TRIB3: variants seen among roughly 807,000 people sequenced by gnomAD.
The protein encoded by TRIB3 is tribbles pseudokinase 3.
In TRIB3, 20 loss-of-function variants were observed where a neutral mutation model predicts 16.6. The ratio of observed to expected loss-of-function variants is 1.20; its 90% CI spans 0.85 to 1.75. The LOEUF is 1.75. TRIB3 is among the 40% of genes most tolerant of loss of function. The pLI, the probability that TRIB3 is intolerant of heterozygous loss-of-function variation, is 0.00. For missense variants in TRIB3, 484 were observed against 488.9 expected (o/e 0.99, Z 0.10); for synonymous variants, 208 against 217.0 (o/e 0.96, Z 0.36).
At chr20:383,936 T>C (rs2014726412) in intron 1 of TRIB3, among the ~76,000 whole-genome samples, 1 of 152,024 alleles carries the variant, frequency 6.6e-6, no homozygotes, top group African/African-American at 2.4e-5. Flanking sequence ...TACAGGCTTC[T>C]CCCCCAGCTC....
At position 391,540 on chromosome 20, in the gene TRIB3, A is replaced by G; in HGVS notation, c.545A>G (p.Asp182Gly). Reference sequence around the variant, plus strand: ...CACCAGCACGGTCTGGTCCTGCGTGATCTCAAGCTGTGTCGCTTTGTCTTC... The same window carrying G: ...CACCAGCACGGTCTGGTCCTGCGTGGTCTCAAGCTGTGTCGCTTTGTCTTC... ...HCHQHGLVLRDLKLCRFVFAD... is the reference protein window; with the variant it reads ...HCHQHGLVLRGLKLCRFVFAD... Residue 182 changes from aspartate (D) to glycine (G), a missense_variant, in exon 3 of 4, where the codon GAT (aspartate) becomes GGT (glycine). Physicochemically the swap from Asp to Gly is moderately conservative, Grantham distance 94. Coordinates refer to ENST00000217233, the MANE Select transcript of TRIB3 (RefSeq NM_021158.5). 1 of 1,612,994 alleles carries G rather than the reference A, an allele frequency of 6.2e-7. No homozygotes were observed. Among genetic ancestry groups the G allele is most frequent in the Non-Finnish European group, 8.5e-7 (1 of 1,179,668 alleles).
chr20:382,313 C>T lies in TRIB3; in HGVS notation c.-1+1144C>T. 3 of 540,602 alleles carry T rather than the reference C, an allele frequency of 5.5e-6. No homozygotes were observed. The South Asian group carries it at 7.1e-5, about 13-fold the overall frequency. The allele number at this position is 540,602 out of a possible 1,614,324, so 33.5% of individuals were successfully genotyped here. ...TAGACTCAGTTACCGCATCTGTCCC[C>T]ATCTGGGTGGAGCTTATCCCAGGCC... On this transcript the variant is annotated intron_variant, in intron 1 of 3. Transcript: ENST00000217233.
intron 3 of TRIB3, among the ~76,000 whole-genome samples, chr20:394,325 A>G (rs2015067751): frequency 6.6e-6 from 1 of 152,034 alleles, no homozygotes; most frequent in African/African-American, 2.4e-5. Context: ...CCCAAGGCTG[A>G]TTTTCTGTTA....
At chr20:382,380 A>G in intron 1 of TRIB3, 1 of 688,996 alleles carries the variant, frequency 1.5e-6, no homozygotes, top group Non-Finnish European at 2.4e-6. Context: ...GGCAGCCTGG[A>G]CTACTGATGT....
At position 396,440 on chromosome 20, in the gene TRIB3, G is replaced by A. The variant is rs773160631; in HGVS notation, c.827G>A (p.Gly276Glu). ...PVLLFGKIRRGAYALPAGLSA... is the reference protein window; with the variant it reads ...PVLLFGKIRREAYALPAGLSA... ...CTGCTCTTCGGCAAGATCCGCCGCG[G>A]GGCCTACGCCTTGCCTGCAGGCCTC... is the stretch of plus-strand genomic sequence containing the variant. The change falls in exon 4 of 4, where the codon GGG becomes GAG. Residue 276 changes from glycine (G) to glutamate (E), a missense_variant. Physicochemically the swap from Gly to Glu is moderately conservative, Grantham distance 98. Coordinates refer to ENST00000217233, the MANE Select transcript of TRIB3 (RefSeq NM_021158.5). 2.5e-6 allele frequency: 4 copies of A among 1,612,692 alleles called. No individual in the cohort carries two copies. The African/African-American group carries it at 5.3e-5, about 22-fold the overall frequency.
chr20:390,774 G>T (rs2014949498), intron 2 of TRIB3, among the ~76,000 whole-genome samples: 1 of 152,132 alleles, frequency 6.6e-6, no homozygotes, highest in Admixed American at 6.5e-5. Context: ...GGCTGAGGCG[G>T]GAGGATCACC....
chr20:394,258 G>A (rs968140071), intron 3 of TRIB3, among the ~76,000 whole-genome samples: 3 of 151,918 alleles, frequency 2.0e-5, no homozygotes, highest in East Asian at 1.9e-4. Context: ...CTCGAAATCC[G>A]CCTGCCTTGG....
rs962381247 is a variant in TRIB3, at chr20:396,592, T to C, written c.979T>C (p.Ser327Pro). The C allele has an allele frequency of 6.2e-7, 1 of 1,612,926 alleles. No individual in the cohort carries two copies. Reference sequence around the variant, plus strand: ...CCCGATGCCCTTAGCCCCAACCCGATCCCATCTCTGGGAGGCTGCCCAGGT... The same window carrying C: ...CCCGATGCCCTTAGCCCCAACCCGACCCCATCTCTGGGAGGCTGCCCAGGT... Reference protein sequence around the residue: ...QDPMPLAPTRSHLWEAAQVVP... With the variant: ...QDPMPLAPTRPHLWEAAQVVP... Residue 327 changes from serine to proline, a missense_variant, in exon 4 of 4, where the codon TCC becomes CCC. By Grantham distance (74) the Ser-to-Pro change is moderately conservative. Coordinates refer to ENST00000217233, the MANE Select transcript of TRIB3 (RefSeq NM_021158.5).
chr20:388,309 C>T lies in TRIB3; in HGVS notation c.291+8C>T, dbSNP rs1490867426. The stretch of plus-strand genomic sequence containing the variant: ...ACTGAGTATACCTGCAAGGTACGTG[C>T]CCATGGGCGGCTGTCCCCCAGCACC... On this transcript the variant is annotated splice_region_variant and intron_variant, in intron 2 of 3. Transcript: ENST00000217233. 6.3e-7 allele frequency: 1 copy of T among 1,591,052 alleles called. No homozygotes were observed. The highest frequency in any genetic ancestry group is 8.6e-7 in the Non-Finnish European group (1 of 1,165,340).
Position 391,438 on chromosome 20 carries a change from T to A in TRIB3, c.443T>A (p.Val148Glu). ...TRTHGDMHSLVRSRHRIPEPE... is the reference protein window; with the variant it reads ...TRTHGDMHSLERSRHRIPEPE... Reference sequence around the variant, plus strand: ...ACCCATGGGGACATGCACAGCCTGGTGCGAAGCCGCCACCGTATCCCTGAG... The same window carrying A: ...ACCCATGGGGACATGCACAGCCTGGAGCGAAGCCGCCACCGTATCCCTGAG... The change falls in exon 3 of 4, where the codon GTG becomes GAG. Residue 148 changes from valine to glutamate, a missense_variant. By Grantham distance (121) the Val-to-Glu change is moderately radical. Transcript: ENST00000217233. 7 of 1,613,916 alleles carry A rather than the reference T, an allele frequency of 4.3e-6. No individual in the cohort carries two copies. Among genetic ancestry groups the A allele is most frequent in the Non-Finnish European group, 5.9e-6 (7 of 1,180,000 alleles).
intron 1 of TRIB3, among the ~76,000 whole-genome samples, chr20:387,519 C>T (rs776143921): frequency 6.7e-6 from 1 of 149,484 alleles, no homozygotes; most frequent in Non-Finnish European, 1.5e-5. Flanking sequence ...CTTGAGGCCA[C>T]GAGTTTGAGA....
intron 1 of TRIB3, among the ~76,000 whole-genome samples, chr20:383,563 C>T (rs1240372527): frequency 6.6e-6 from 1 of 152,162 alleles, no homozygotes; most frequent in Non-Finnish European, 1.5e-5. Context: ...CTACTTCAAC[C>T]TCCTGCATGG....
Position 381,046 on chromosome 20 carries a change from G to T in TRIB3, c.-124G>T, listed in dbSNP as rs1403991999. 6.6e-6 allele frequency: 1 copy of T among 150,982 alleles called. No homozygotes were observed. Among genetic ancestry groups the T allele is most frequent in the East Asian group, 2.0e-4 (1 of 5,098 alleles). 9.4% of individuals were successfully genotyped at this position (150,982 alleles called of 1,614,324 possible). A position where few individuals can be genotyped will look rare whatever the true frequency, so the allele number is the denominator to read the frequency against. ...GCGCGCGTCCGCTGCTAGGACCCGGGCAGGGCTGGAGCTGGGCTGGGATCC... is the reference window on the plus strand; with the variant it reads ...GCGCGCGTCCGCTGCTAGGACCCGGTCAGGGCTGGAGCTGGGCTGGGATCC... On this transcript the variant is annotated 5_prime_UTR_variant, in exon 1 of 4. Coordinates refer to ENST00000217233, the MANE Select transcript of TRIB3 (RefSeq NM_021158.5).
Position 395,433 on chromosome 20 carries a change from T to C in TRIB3, c.585-765T>C, listed in dbSNP as rs2015098684. Among the ~76,000 whole-genome samples, 4 of 152,140 alleles carry C rather than the reference T, an allele frequency of 2.6e-5. 1 individual carries two copies. In the South Asian group the frequency reaches 8.3e-4, roughly 31 times the overall value. ...ACCTCGGCCTCCCAAAGTGCTAGGATTACCGGCATGAGCCACCGCGCCCAG... is the reference window on the plus strand; with the variant it reads ...ACCTCGGCCTCCCAAAGTGCTAGGACTACCGGCATGAGCCACCGCGCCCAG... On this transcript the variant is annotated intron_variant, in intron 3 of 3. Transcript: ENST00000217233.
chr20:385,164 G>A (rs1156989568), intron 1 of TRIB3, among the ~76,000 whole-genome samples: 1 of 152,148 alleles, frequency 6.6e-6, no homozygotes, highest in Admixed American at 6.5e-5. Context: ...CCAGGCCGGA[G>A]TGCAATGACA....
At chr20:381,840 C>T (rs2014661706) in intron 1 of TRIB3, among the ~76,000 whole-genome samples, 1 of 152,160 alleles carries the variant, frequency 6.6e-6, no homozygotes, top group Non-Finnish European at 1.5e-5. Flanking sequence ...TCCGGGTTTG[C>T]AGGTGGACGG....
At chr20:392,879 A>T (rs998633690) in intron 3 of TRIB3, among the ~76,000 whole-genome samples, 5 of 152,090 alleles carry the variant, frequency 3.3e-5, no homozygotes, top group African/African-American at 4.8e-5. Context: ...AAAAATTTTT[A>T]AAAGATAATT....
chr20:396,420 CTTCGGCAAGA>C lies in TRIB3; in HGVS notation c.809_818del (p.Phe270SerfsTer50), dbSNP rs752884223. ...TCCAGGACTCGGAGCCTGTCCTGCTCTTCGGCAAGATCCGCCGCGGGGCCTACGCCTTGCC... is the reference window on the plus strand; with the variant it reads ...TCCAGGACTCGGAGCCTGTCCTGCTCTCCGCCGCGGGGCCTACGCCTTGCC... On this transcript the variant is annotated frameshift_variant, in exon 4 of 4. Transcript: ENST00000217233. LOFTEE classifies it low-confidence loss of function (END_TRUNC). The C allele has an allele frequency of 6.2e-7, 1 of 1,613,116 alleles. No homozygotes were observed. The highest frequency in any genetic ancestry group is 8.5e-7 in the Non-Finnish European group (1 of 1,180,032).
Position 396,774 on chromosome 20 carries a change from C to G in TRIB3, c.*84C>G, listed in dbSNP as rs2015143678. 3.3e-6 allele frequency: 5 copies of G among 1,513,980 alleles called. No homozygotes were observed. The highest frequency in any genetic ancestry group is 3.6e-4 in the Middle Eastern group (2 of 5,608). 93.8% of individuals were successfully genotyped at this position (1,513,980 alleles called of 1,614,324 possible). ...GCCTTCTCCTGCCTCTGAACTGAGC[C>G]AAACCTTCAGTGCCTTCCAGAAGGG... On this transcript the variant is annotated 3_prime_UTR_variant, in exon 4 of 4. Coordinates refer to ENST00000217233, the MANE Select transcript of TRIB3 (RefSeq NM_021158.5).
Sources: gnomAD v4.1 joint callset for allele counts (sites outside exome capture counted in the v4.1 genomes callset) on GRCh38, gnomAD v4.1.1 for gene constraint, MANE v1.5 for transcripts, NCBI Gene and HGNC (gene_info 2026-07-23, HGNC 2026-07-21) for gene names.